YBX3: variants seen among roughly 807,000 people sequenced by gnomAD.
YBX3 encodes the protein Y-box-binding protein 3.
A neutral mutation model predicts 42.4 loss-of-function variants in YBX3; 29 were observed. The observed-to-expected ratio is 0.68, with a 90% CI of 0.51 to 0.93. The LOEUF (loss-of-function observed/expected upper bound fraction) is 0.93, where lower values mean the gene tolerates loss of function less well. Ranked by LOEUF, YBX3 falls within the 40% of genes least tolerant of loss-of-function variation. The probability of loss-of-function intolerance (pLI) is 0.00; values close to 1 mark genes in which losing one functional copy is unlikely to be tolerated. For missense variants in YBX3, 517 were observed against 527.5 expected, an observed-to-expected ratio of 0.98 and a Z score of 0.19; for synonymous variants, 195 against 189.8, an observed-to-expected ratio of 1.03 and a Z score of -0.22.
At chr12:10,708,577 A>T (rs1948163524) in intron 6 of YBX3, among the ~76,000 whole-genome samples, 1 of 152,238 alleles carries the variant, frequency 6.6e-6, no homozygotes. Context: ...ATTATTAAAA[A>T]ATATGGTTTA....
At chr12:10,708,461 T>C (rs541524305) in intron 6 of YBX3, among the ~76,000 whole-genome samples, 4 of 152,352 alleles carry the variant, frequency 2.6e-5, no homozygotes, top group South Asian at 2.1e-4. Flanking sequence ...ACTGACAACC[T>C]TGAAGTAGCT....
intron 6 of YBX3, among the ~76,000 whole-genome samples, chr12:10,709,319 G>A (rs1591577180): frequency 6.6e-6 from 1 of 152,158 alleles, no homozygotes; most frequent in Non-Finnish European, 1.5e-5. Flanking sequence ...CAAAACAGCT[G>A]TACTAATATT....
rs1948074967 is a variant in YBX3, at chr12:10,701,247, C to G, written c.*34+7G>C. 1 of 776,860 alleles carries G rather than the reference C, an allele frequency of 1.3e-6. No individual in the cohort carries two copies. Among genetic ancestry groups the G allele is most frequent in the African/African-American group, 1.7e-5 (1 of 58,960 alleles). The allele number at this position is 776,860 out of a possible 1,614,324, so 48.1% of individuals were successfully genotyped here. On this transcript the variant is annotated splice_region_variant and intron_variant, in intron 9 of 9. Coordinates refer to ENST00000228251, the MANE Select transcript of YBX3 (RefSeq NM_003651.5). ...CCAACTCAAGACTGGGCTGCCCCAG[C>G]TCTTACCTGCCGATGGTGAAGGTGC...
intron 6 of YBX3, among the ~76,000 whole-genome samples, chr12:10,708,972 A>AG (rs1948168303): frequency 1.3e-5 from 2 of 152,238 alleles, no homozygotes; most frequent in Non-Finnish European, 2.9e-5. Flanking sequence ...TGCTGCCCTA[A>AG]AGCTACTATG....
chr12:10,722,845 C>G lies in YBX3; in HGVS notation c.262+5G>C, dbSNP rs1948345879. On this transcript the variant is annotated splice_donor_5th_base_variant and intron_variant, in intron 1 of 9. Transcript: ENST00000228251. ...GCAGCCCCTGCCCTCCCTGGCCTGA[C>G]TCACCGAGAACTTTTTTCTCCGCGT... The G allele has an allele frequency of 1.3e-6, 2 of 1,484,154 alleles. No homozygotes were observed. The highest frequency in any genetic ancestry group is 1.8e-6 in the Non-Finnish European group (2 of 1,116,754). 91.9% of individuals were successfully genotyped at this position (1,484,154 alleles called of 1,614,324 possible).
intron 5 of YBX3, chr12:10,711,032 C>T (rs988479622): frequency 6.5e-6 from 1 of 152,972 alleles, no homozygotes; most frequent in Non-Finnish European, 1.5e-5. Flanking sequence ...GGCATGACTC[C>T]CTTTATATGT....
chr12:10,721,046 A>G (rs938460406), intron 1 of YBX3: 1 of 152,220 alleles, frequency 6.6e-6, no homozygotes, highest in Non-Finnish European at 1.5e-5. Flanking sequence ...TATAAACTCA[A>G]GTGAAGGCCC....
Position 10,702,151 on chromosome 12 carries a change from A to C in YBX3, c.879-17T>G, listed in dbSNP as rs1423232303. Reference sequence around the variant, plus strand: ...GGTCCCCTGCTGTAGGGAACACAGAAGAAAATAGAACAGGTGCCAACAGGA... The same window carrying C: ...GGTCCCCTGCTGTAGGGAACACAGACGAAAATAGAACAGGTGCCAACAGGA... On this transcript the variant is annotated splice_polypyrimidine_tract_variant and intron_variant, in intron 7 of 9. Transcript: ENST00000228251. 1 of 1,607,658 alleles carries C rather than the reference A, an allele frequency of 6.2e-7. No homozygotes were observed. The highest frequency in any genetic ancestry group is 2.2e-5 in the East Asian group (1 of 44,772).
At chr12:10,701,204 G>T in intron 9 of YBX3, 50 bp downstream of exon 9, 1 of 754,514 alleles carries the variant, frequency 1.3e-6, no homozygotes, top group South Asian at 1.4e-5. Context: ...AGAAACCAGT[G>T]ATACTAAAAA....
chr12:10,718,307 C>T, intron 2 of YBX3, 186 bp from the exon 3 acceptor site: 1 of 504,590 alleles, frequency 2.0e-6, no homozygotes, highest in East Asian at 3.1e-5. Flanking sequence ...GGCCACCCAC[C>T]TTCCTCCTCC....
chr12:10,716,223 T>C, intron 3 of YBX3: 1 of 169,444 alleles, frequency 5.9e-6, no homozygotes, highest in Non-Finnish European at 1.3e-5. Flanking sequence ...TAAACAAAAT[T>C]ATCTCAAGAA....
chr12:10,709,133 G>A (rs1948169760), intron 6 of YBX3, among the ~76,000 whole-genome samples: 1 of 152,094 alleles, frequency 6.6e-6, no homozygotes, highest in African/African-American at 2.4e-5. Flanking sequence ...AGAACAGACT[G>A]AACATAATGT....
chr12:10,710,859 A>G (rs1043459521), intron 5 of YBX3: 2 of 169,604 alleles, frequency 1.2e-5, no homozygotes, highest in African/African-American at 2.4e-5. Context: ...TGTTATTTTC[A>G]TGAACATATA....
At position 10,704,044 on chromosome 12, in the gene YBX3, G is replaced by A. The variant is rs368389577; in HGVS notation, c.878+7C>T. The A allele has an allele frequency of 1.5e-5, 24 of 1,613,764 alleles. No individual in the cohort carries two copies. The African/African-American group carries it at 1.6e-4, about 11-fold the overall frequency. On this transcript the variant is annotated splice_region_variant and intron_variant, in intron 7 of 9. Coordinates refer to ENST00000228251, the MANE Select transcript of YBX3 (RefSeq NM_003651.5). ...TTAACTGGCCATTAGTGGAAAATGC[G>A]ACATACCTACGGTACCTTGGGCGGT...
intron 9 of YBX3, among the ~76,000 whole-genome samples, chr12:10,700,028 A>G (rs1948061793): frequency 6.6e-6 from 1 of 152,198 alleles, no homozygotes; most frequent in Admixed American, 6.5e-5. Context: ...AAATTGTAAA[A>G]ATATTTTTTC....
In YBX3 at chr12:10,704,980, A is replaced by G. The variant is rs138697901; in HGVS notation, c.781-832T>C. 3.6e-3 allele frequency among the ~76,000 whole-genome samples: 541 copies of G among 152,376 alleles called. 3 individuals carry two copies. Among genetic ancestry groups the G allele is most frequent in the African/African-American group, 0.012 (515 of 41,598 alleles). ...ACAAAGTTACAGAAAAGTTAAATGT[A>G]ATTCTCAGATCCCATTCAAGTTTCA... On this transcript the variant is annotated intron_variant, in intron 6 of 9. Transcript: ENST00000228251.
intron 1 of YBX3, among the ~76,000 whole-genome samples, chr12:10,720,552 C>G (rs1948313351): frequency 6.6e-6 from 1 of 152,006 alleles, no homozygotes. Flanking sequence ...TTGATGTTTT[C>G]GATGCAAATG....
chr12:10,712,878 G>C (rs759947169), intron 5 of YBX3: 1 of 213,428 alleles, frequency 4.7e-6, no homozygotes. Context: ...TGTCTAATGA[G>C]ACCAGCGGCT....
intron 6 of YBX3, among the ~76,000 whole-genome samples, chr12:10,707,432 C>T (rs1324805001): frequency 1.3e-5 from 2 of 152,198 alleles, no homozygotes; most frequent in Non-Finnish European, 2.9e-5. Context: ...ATTCCTCATA[C>T]TCTTCACTCA....
Sources: allele counts gnomAD v4.1 joint callset (sites outside exome capture counted in the v4.1 genomes callset), GRCh38; gene constraint gnomAD v4.1.1; transcripts MANE v1.5; gene names NCBI Gene and HGNC (gene_info 2026-07-23, HGNC 2026-07-21).